ZCCHC2: variants seen among roughly 807,000 people sequenced by gnomAD.
ZCCHC2 encodes the protein zinc finger CCHC-type containing 2, also known as zinc finger CCHC domain-containing protein 2.
A neutral mutation model predicts 103.6 loss-of-function variants in ZCCHC2; 39 were observed. That is an observed-to-expected ratio of 0.38 (90% CI 0.29 to 0.49). The LOEUF is 0.49. ZCCHC2 is among the 20% of genes least tolerant of loss of function. The pLI, the probability that ZCCHC2 is intolerant of heterozygous loss-of-function variation, is 0.96. For missense variants in ZCCHC2, 1,483 were observed against 1,491.0 expected (o/e 0.99, Z 0.09); for synonymous variants, 687 against 608.9 (o/e 1.13, Z -1.89).
At chr18:62,528,599 G>GA (rs11409827) in intron 1 of ZCCHC2, among the ~76,000 whole-genome samples, 67,755 of 144,712 alleles carry the variant, frequency 0.47, 16,830 homozygotes, top group East Asian at 0.71. Flanking sequence ...ACTGTCTCGG[G>GA]AAAAAAAAAA....
chr18:62,579,538 A>G (rs1011346330), downstream of ZCCHC2, among the ~76,000 whole-genome samples: 1 of 152,142 alleles, frequency 6.6e-6, no homozygotes, highest in African/African-American at 2.4e-5. Context: ...TGAAATGATT[A>G]TAAATTCCCT....
At chr18:62,579,218 A>T (rs1490896588), downstream of ZCCHC2, among the ~76,000 whole-genome samples, 1 of 152,246 alleles carries the variant, frequency 6.6e-6, no homozygotes, top group Non-Finnish European at 1.5e-5. Context: ...TTTCCAGTTT[A>T]GGCCTTTAGC....
chr18:62,535,627 CT>C, intron 1 of ZCCHC2, among the ~76,000 whole-genome samples: 2 of 152,186 alleles, frequency 1.3e-5, no homozygotes, highest in Non-Finnish European at 2.9e-5. Context: ...AAGTGCATGT[CT>C]CATGTGGTGT....
At chr18:62,549,397 G>C (rs991884432) in intron 4 of ZCCHC2, among the ~76,000 whole-genome samples, 5 of 152,212 alleles carry the variant, frequency 3.3e-5, no homozygotes, top group South Asian at 2.1e-4. Context: ...TGCTACCTTT[G>C]CTAAGTTTCT....
chr18:62,562,293 T>G (rs1161746517), intron 8 of ZCCHC2, among the ~76,000 whole-genome samples: 1 of 152,142 alleles, frequency 6.6e-6, no homozygotes, highest in Non-Finnish European at 1.5e-5. Context: ...TGAGCCACCG[T>G]GCCCAGCCGT....
At chr18:62,567,107 T>C (rs1345860846) in intron 11 of ZCCHC2, among the ~76,000 whole-genome samples, 2 of 152,246 alleles carry the variant, frequency 1.3e-5, no homozygotes, top group Non-Finnish European at 2.9e-5. Context: ...GAATGAAATA[T>C]TTTTTGTACA....
At position 62,577,800 on chromosome 18, in the gene ZCCHC2, C is replaced by T. The variant is rs943311153; in HGVS notation, c.*1221C>T. On this transcript the variant is annotated 3_prime_UTR_variant, in exon 14 of 14. Coordinates refer to ENST00000269499, the MANE Select transcript of ZCCHC2 (RefSeq NM_017742.6). ...AAAAGCCAATCTATGTACTAAATTGCTTCCAGGTAATTTTTGATTTCCTAA... is the reference window on the plus strand; with the variant it reads ...AAAAGCCAATCTATGTACTAAATTGTTTCCAGGTAATTTTTGATTTCCTAA... The T allele has an allele frequency of 3.9e-5, 6 of 152,048 alleles. No homozygotes were observed. The highest frequency in any genetic ancestry group is 5.9e-5 in the Non-Finnish European group (4 of 67,966). 9.4% of individuals were successfully genotyped at this position (152,048 alleles called of 1,614,324 possible). A position where few individuals can be genotyped will look rare whatever the true frequency, so the allele number is the denominator to read the frequency against.
At chr18:62,526,872 G>T (rs1016310464) in intron 1 of ZCCHC2, 1 of 151,966 alleles carries the variant, frequency 6.6e-6, no homozygotes, top group Non-Finnish European at 1.5e-5. Flanking sequence ...CGCCCTTTTG[G>T]CCTCTTCCCG....
intron 1 of ZCCHC2, among the ~76,000 whole-genome samples, chr18:62,531,864 G>A (rs1208391026): frequency 6.6e-6 from 1 of 152,042 alleles, no homozygotes; most frequent in Non-Finnish European, 1.5e-5. Flanking sequence ...TACTCAGGAG[G>A]CTCCAGCTAC....
intron 4 of ZCCHC2, among the ~76,000 whole-genome samples, chr18:62,547,554 T>C (rs1025858651): frequency 5.3e-5 from 8 of 151,646 alleles, no homozygotes; most frequent in Admixed American, 1.3e-4. Context: ...TGTTTGTTTT[T>C]TTTTTTTCTT....
intron 8 of ZCCHC2, 58 bp downstream of exon 8, chr18:62,560,702 CATTTA>C (rs1916080568): frequency 1.5e-6 from 2 of 1,339,736 alleles, no homozygotes; most frequent in Non-Finnish European, 2.1e-6. Flanking sequence ...ATCAATGTAA[CATTTA>C]ATTAAATTTC....
intron 2 of ZCCHC2, among the ~76,000 whole-genome samples, chr18:62,541,982 C>T (rs545600853): frequency 6.6e-6 from 1 of 152,180 alleles, no homozygotes; most frequent in African/African-American, 2.4e-5. Flanking sequence ...TTGAGGGTTA[C>T]ATTTGAGACA....
At chr18:62,527,609 TC>T (rs975362484) in intron 1 of ZCCHC2, among the ~76,000 whole-genome samples, 89 of 152,286 alleles carry the variant, frequency 5.8e-4, no homozygotes, top group African/African-American at 2.1e-3. Flanking sequence ...AATCTCACAT[TC>T]CTCACACAAC....
chr18:62,539,529 A>G (rs1334845225), intron 1 of ZCCHC2, 152 bp from the exon 2 acceptor site: 3 of 557,230 alleles, frequency 5.4e-6, no homozygotes, highest in East Asian at 6.1e-5. Flanking sequence ...CGGCTCTCAC[A>G]CTGTGCCTTT....
At chr18:62,533,618 G>C (rs1914789693) in intron 1 of ZCCHC2, among the ~76,000 whole-genome samples, 1 of 151,980 alleles carries the variant, frequency 6.6e-6, no homozygotes, top group African/African-American at 2.4e-5. Flanking sequence ...TGTAAACCCA[G>C]CACTTTGGGA....
chr18:62,579,714 G>T (rs1916989198), downstream of ZCCHC2, among the ~76,000 whole-genome samples: 1 of 151,806 alleles, frequency 6.6e-6, no homozygotes, highest in African/African-American at 2.4e-5. Flanking sequence ...GCTTTAGATT[G>T]TGTTAGTCTT....
chr18:62,534,700 T>G (rs1344162903), intron 1 of ZCCHC2, among the ~76,000 whole-genome samples: 1 of 152,252 alleles, frequency 6.6e-6, no homozygotes, highest in Non-Finnish European at 1.5e-5. Context: ...ATCAAATGAT[T>G]GAAATTCACT....
intron 1 of ZCCHC2, among the ~76,000 whole-genome samples, chr18:62,534,654 A>G (rs1241154010): frequency 2.0e-5 from 3 of 152,196 alleles, no homozygotes; most frequent in Non-Finnish European, 4.4e-5. Context: ...CTAAATTGGG[A>G]TGTGTCCCGT....
chr18:62,535,300 C>A (rs1418585730), intron 1 of ZCCHC2, among the ~76,000 whole-genome samples: 1 of 152,206 alleles, frequency 6.6e-6, no homozygotes, highest in Non-Finnish European at 1.5e-5. Flanking sequence ...GATCATCTTC[C>A]TAGTTCTAGG....
Sources: allele counts gnomAD v4.1 joint callset (sites outside exome capture counted in the v4.1 genomes callset), GRCh38; gene constraint gnomAD v4.1.1; transcripts MANE v1.5; gene names NCBI Gene and HGNC (gene_info 2026-07-23, HGNC 2026-07-21).